The following ARAP2 variants were observed in gnomAD, a reference collection of about 807,000 sequenced individuals.
ARAP2 encodes the protein arf-GAP with Rho-GAP domain, ANK repeat and PH domain-containing protein 2.
Under a neutral mutation model 194.5 loss-of-function variants are expected in ARAP2, and 148 were observed. The observed-to-expected ratio is 0.76, with a 90% CI of 0.67 to 0.87. The LOEUF (loss-of-function observed/expected upper bound fraction) is 0.87, where lower values mean the gene tolerates loss of function less well. ARAP2 is among the 40% of genes least tolerant of loss of function. The pLI is 0.00. For synonymous variants in ARAP2, 695 were observed against 683.5 expected, an observed-to-expected ratio of 1.02 and a Z score of -0.26; for missense variants, 2,128 against 1,989.7, an observed-to-expected ratio of 1.07 and a Z score of -1.32.
intron 5 of ARAP2, among the ~76,000 whole-genome samples, chr4:36,024,814 C>G (rs1482907622): frequency 7.2e-5 from 11 of 151,922 alleles, no homozygotes; most frequent in Non-Finnish European, 1.6e-4. Flanking sequence ...TTTTACAAAA[C>G]TTTATATTTA....
At chr4:36,026,898 C>G (rs1299426253) in intron 5 of ARAP2, among the ~76,000 whole-genome samples, 1 of 152,236 alleles carries the variant, frequency 6.6e-6, no homozygotes, top group Non-Finnish European at 1.5e-5. Flanking sequence ...AACTAGAAGT[C>G]AACTTTTCTT....
At position 36,244,348 on chromosome 4, in the gene ARAP2, C is replaced by A. The variant is rs1312813539; in HGVS notation, c.-329G>T. 1 of 151,422 alleles carries A rather than the reference C, an allele frequency of 6.6e-6. No individual in the cohort carries two copies. Among genetic ancestry groups the A allele is most frequent in the African/African-American group, 2.4e-5 (1 of 41,326 alleles). 9.4% of individuals were successfully genotyped at this position (151,422 alleles called of 1,614,324 possible). On this transcript the variant is annotated 5_prime_UTR_variant, in exon 1 of 33. Coordinates refer to ENST00000303965, the MANE Select transcript of ARAP2 (RefSeq NM_015230.4). ...GTCCGCAGTCGCCTCTGCTGCCTGGCGGCGGCCGCGCGGGCGGCGCTGTTA... is the reference window on the plus strand; with the variant it reads ...GTCCGCAGTCGCCTCTGCTGCCTGGAGGCGGCCGCGCGGGCGGCGCTGTTA...
intron 7 of ARAP2, among the ~76,000 whole-genome samples, chr4:36,188,489 A>G (rs776925411): frequency 1.1e-4 from 16 of 152,322 alleles, no homozygotes; most frequent in Non-Finnish European, 1.8e-4. Context: ...GACTTTTAAA[A>G]AACCTTAATT....
At chr4:36,020,581 A>G (rs998300632) in intron 5 of ARAP2, among the ~76,000 whole-genome samples, 2 of 152,182 alleles carry the variant, frequency 1.3e-5, no homozygotes, top group African/African-American at 4.8e-5. Context: ...ATGAGATTTC[A>G]TCACCCTACT....
At chr4:36,030,019 A>G (rs1437471906) in intron 5 of ARAP2, among the ~76,000 whole-genome samples, 1 of 152,032 alleles carries the variant, frequency 6.6e-6, no homozygotes. Flanking sequence ...TTCAATTGTA[A>G]TCTTAATTTT....
intron 5 of ARAP2, among the ~76,000 whole-genome samples, chr4:36,043,202 A>G (rs1395287558): frequency 6.6e-6 from 1 of 152,182 alleles, no homozygotes; most frequent in Non-Finnish European, 1.5e-5. Flanking sequence ...CTGGCTTTAC[A>G]GTCTAATCAT....
chr4:36,041,608 G>T (rs1214122152), intron 5 of ARAP2, among the ~76,000 whole-genome samples: 1 of 152,118 alleles, frequency 6.6e-6, no homozygotes, highest in South Asian at 2.1e-4. Flanking sequence ...AACCATTGCA[G>T]AAAGTAGTAT....
chr4:36,017,680 A>C lies in ARAP2; in HGVS notation n.750+1464T>G, dbSNP rs1046228134. Among the ~76,000 whole-genome samples, 3 of 151,412 alleles carry C rather than the reference A, an allele frequency of 2.0e-5. No homozygotes were observed. In the South Asian group the frequency reaches 6.3e-4, roughly 32 times the overall value. ...CTATACCCCTGGGACAGTAAATCTC[A>C]TGACTGCAGTGTAGTGAGAGAAGGA... On this transcript the variant is annotated intron_variant and non_coding_transcript_variant, in intron 6 of 12. Transcript: ENST00000503225.
intron 4 of ARAP2, among the ~76,000 whole-genome samples, 193 bp downstream of exon 4, chr4:36,213,050 T>C (rs1480338566): frequency 6.6e-6 from 1 of 152,056 alleles, no homozygotes; most frequent in Non-Finnish European, 1.5e-5. Context: ...ATAATAAACA[T>C]GTGTTCCTAT....
At chr4:36,145,345 C>T (rs1212175651) in intron 19 of ARAP2, among the ~76,000 whole-genome samples, 2 of 151,952 alleles carry the variant, frequency 1.3e-5, no homozygotes, top group African/African-American at 4.8e-5. Context: ...TACTACACAA[C>T]CATAAATAGG....
intron 21 of ARAP2, 115 bp downstream of exon 21, chr4:36,128,418 T>C (rs1431311505): frequency 4.0e-6 from 3 of 747,352 alleles, no homozygotes; most frequent in East Asian, 5.5e-5. Context: ...AATTTCAGCT[T>C]ATCAAAGATG....
intron 6 of ARAP2, among the ~76,000 whole-genome samples, chr4:36,203,942 G>A (rs955449870): frequency 5.3e-5 from 8 of 152,100 alleles, no homozygotes; most frequent in Non-Finnish European, 1.2e-4. Context: ...CTTCAGAGAA[G>A]TAAAAGGATT....
chr4:36,230,521 C>T (rs1025793427), intron 1 of ARAP2, among the ~76,000 whole-genome samples: 4 of 152,198 alleles, frequency 2.6e-5, no homozygotes, highest in African/African-American at 9.6e-5. Flanking sequence ...TGAAAGGTCA[C>T]ATGTCCTCCA....
chr4:36,169,456 A>G (rs1022526612), intron 9 of ARAP2, among the ~76,000 whole-genome samples: 2 of 152,138 alleles, frequency 1.3e-5, no homozygotes, highest in Non-Finnish European at 2.9e-5. Context: ...CCACATGTAA[A>G]GCTGTAATTT....
At chr4:36,051,092 C>A (rs1722585967) in intron 3 of ARAP2, among the ~76,000 whole-genome samples, 1 of 152,104 alleles carries the variant, frequency 6.6e-6, no homozygotes, top group Admixed American at 6.5e-5. Context: ...ACATAAAATT[C>A]CTTTAGGGTT....
At chr4:36,223,695 T>C (rs918136855) in intron 2 of ARAP2, among the ~76,000 whole-genome samples, 1 of 149,588 alleles carries the variant, frequency 6.7e-6, no homozygotes, top group African/African-American at 2.5e-5. Context: ...CTGGTAGCCT[T>C]CTAAAAACAG....
At chr4:36,083,190 A>G (rs1730000505) in intron 29 of ARAP2, among the ~76,000 whole-genome samples, 178 bp downstream of exon 29, 1 of 151,944 alleles carries the variant, frequency 6.6e-6, no homozygotes, top group Admixed American at 6.6e-5. Flanking sequence ...CTCCTTATCT[A>G]CTCATACAAG....
At chr4:36,178,738 T>C (rs185175386) in intron 8 of ARAP2, among the ~76,000 whole-genome samples, 2 of 152,306 alleles carry the variant, frequency 1.3e-5, no homozygotes, top group East Asian at 1.9e-4. Context: ...ATATAAATGG[T>C]ATGAAATAAT....
intron 7 of ARAP2, among the ~76,000 whole-genome samples, chr4:36,193,019 G>A (rs1483509877): frequency 6.6e-6 from 1 of 152,010 alleles, no homozygotes; most frequent in Non-Finnish European, 1.5e-5. Context: ...AAAGAAAATG[G>A]CTTTTCAAAA....
Sources: allele counts gnomAD v4.1 joint callset (sites outside exome capture counted in the v4.1 genomes callset), GRCh38; gene constraint gnomAD v4.1.1; transcripts MANE v1.5; gene names NCBI Gene and HGNC (gene_info 2026-07-23, HGNC 2026-07-21).